The following LARGE1 variants were observed in gnomAD, a reference collection of about 807,000 sequenced individuals.
LARGE1 encodes the protein xylosyl- and glucuronyltransferase LARGE1.
LARGE1 carries 43 observed loss-of-function variants against 87.6 expected under a neutral mutation model. The ratio of observed to expected loss-of-function variants is 0.49; its 90% CI spans 0.38 to 0.63. The LOEUF is 0.63. Among genes scored for constraint, LARGE1 ranks in the 30% least tolerant of loss-of-function variants. The pLI is 0.00. For missense variants in LARGE1, 802 were observed against 1,000.2 expected (o/e 0.80, Z 2.67); for synonymous variants, 434 against 394.6 (o/e 1.10, Z -1.18).
intron 9 of LARGE1, among the ~76,000 whole-genome samples, chr22:33,338,152 G>C (rs1938702263): frequency 6.6e-6 from 1 of 152,026 alleles, no homozygotes; most frequent in Non-Finnish European, 1.5e-5. Flanking sequence ...CCCTAATTCT[G>C]CTTGGCCACC....
intron 1 of LARGE1, among the ~76,000 whole-genome samples, chr22:33,853,691 G>T (rs965636158): frequency 4.6e-5 from 7 of 152,200 alleles, no homozygotes; most frequent in Admixed American, 2.0e-4. Context: ...ACAAAAAAGT[G>T]CCAGTTCCTT....
At chr22:33,297,576 G>T (rs1053975547) in intron 12 of LARGE1, among the ~76,000 whole-genome samples, 1 of 146,708 alleles carries the variant, frequency 6.8e-6, no homozygotes, top group Non-Finnish European at 1.5e-5. Context: ...TCGTGCCACT[G>T]CACTCCAGCC....
intron 1 of LARGE1, among the ~76,000 whole-genome samples, chr22:33,870,675 T>G (rs1265927897): frequency 6.6e-6 from 1 of 152,072 alleles, no homozygotes; most frequent in South Asian, 2.1e-4. Context: ...TTCCAGCGAT[T>G]CTCCTGCCTC....
chr22:33,686,234 G>A (rs1326476631), intron 2 of LARGE1, among the ~76,000 whole-genome samples: 1 of 152,044 alleles, frequency 6.6e-6, no homozygotes, highest in Non-Finnish European at 1.5e-5. Flanking sequence ...GTCCCTCCCT[G>A]TGAACTGGAG....
At chr22:33,541,205 A>AAG (rs2077197574) in intron 6 of LARGE1, among the ~76,000 whole-genome samples, 1 of 150,158 alleles carries the variant, frequency 6.7e-6, no homozygotes, top group Admixed American at 6.6e-5. Flanking sequence ...AAAAAAGAAA[A>AAG]AAAAAAAAAA....
intron 1 of LARGE1, among the ~76,000 whole-genome samples, chr22:33,894,404 A>G (rs5999131): frequency 0.021 from 3,181 of 151,884 alleles, 114 homozygotes; most frequent in African/African-American, 0.073. Flanking sequence ...CCCCTACTCT[A>G]CTCACTAGGG....
rs556374545 is a variant in LARGE1 at position 33,911,934 on chromosome 22, G to A, written c.-83+8061C>T. Among the ~76,000 whole-genome samples, 10 of 152,066 alleles carry A rather than the reference G, an allele frequency of 6.6e-5. No homozygotes were observed. In the South Asian group the frequency reaches 8.3e-4, roughly 13 times the overall value. On this transcript the variant is annotated intron_variant, in intron 1 of 14. Coordinates refer to ENST00000397394, the MANE Select transcript of LARGE1 (RefSeq NM_133642.5). ...TGTTACTCACCCACCTCTCCCTCCC[G>A]CATCACCTCCACCCCAGTAATGAAA...
chr22:33,374,162 A>G (rs1045915890), intron 9 of LARGE1, among the ~76,000 whole-genome samples: 5 of 152,106 alleles, frequency 3.3e-5, no homozygotes, highest in Admixed American at 6.5e-5. Context: ...TTTCTTGTTT[A>G]CATTCCTGTA....
chr22:33,325,167 C>T (rs1040929338), intron 10 of LARGE1, among the ~76,000 whole-genome samples: 3 of 152,242 alleles, frequency 2.0e-5, no homozygotes, highest in African/African-American at 7.2e-5. Context: ...CTTTCTAGTT[C>T]TAACAGTAAA....
intron 11 of LARGE1, among the ~76,000 whole-genome samples, chr22:33,217,394 C>T (rs1398904272): frequency 3.3e-5 from 5 of 152,132 alleles, no homozygotes; most frequent in African/African-American, 1.2e-4. Flanking sequence ...TTACCAAGCC[C>T]TCCAGGCAAT....
chr22:33,304,768 T>C (rs1252612774), intron 11 of LARGE1, among the ~76,000 whole-genome samples: 2 of 152,190 alleles, frequency 1.3e-5, no homozygotes, highest in African/African-American at 2.4e-5. Flanking sequence ...GACTCCTCGT[T>C]TCAAAGCCAG....
intron 6 of LARGE1, among the ~76,000 whole-genome samples, chr22:33,439,461 T>C (rs1281719029): frequency 2.0e-5 from 3 of 152,206 alleles, no homozygotes; most frequent in South Asian, 4.2e-4. Flanking sequence ...GCGACATCTG[T>C]CCCTTCGCTG....
intron 5 of LARGE1, among the ~76,000 whole-genome samples, chr22:33,600,781 T>G (rs1234056033): frequency 6.6e-6 from 1 of 152,126 alleles, no homozygotes; most frequent in Non-Finnish European, 1.5e-5. Context: ...GGGCAGTGGC[T>G]CATGCCCGTA....
chr22:33,822,755 A>G (rs1398195075), intron 1 of LARGE1, among the ~76,000 whole-genome samples: 1 of 152,202 alleles, frequency 6.6e-6, no homozygotes, highest in Non-Finnish European at 1.5e-5. Flanking sequence ...GGTCAGAACA[A>G]AGGGGAAGTC....
At chr22:33,435,121 C>A (rs1279859348) in intron 6 of LARGE1, among the ~76,000 whole-genome samples, 2 of 152,220 alleles carry the variant, frequency 1.3e-5, no homozygotes, top group African/African-American at 4.8e-5. Flanking sequence ...CCTGCCTCAG[C>A]CTCCTGAGTA....
At chr22:33,742,333 G>C (rs1398155987) in intron 2 of LARGE1, among the ~76,000 whole-genome samples, 2 of 152,188 alleles carry the variant, frequency 1.3e-5, no homozygotes, top group African/African-American at 2.4e-5. Context: ...TGCTCCACAA[G>C]CATCAGTGAC....
chr22:33,770,683 T>A (rs2145811064), intron 1 of LARGE1, among the ~76,000 whole-genome samples: 1 of 152,050 alleles, frequency 6.6e-6, no homozygotes, highest in South Asian at 2.1e-4. Flanking sequence ...AGACCCTATC[T>A]CTAAAAAATA....
intron 6 of LARGE1, among the ~76,000 whole-genome samples, chr22:33,481,539 T>G (rs1311009175): frequency 1.3e-5 from 2 of 152,180 alleles, no homozygotes; most frequent in African/African-American, 4.8e-5. Context: ...CCTCTTCTCA[T>G]GCACCCTATG....
At chr22:33,415,690 G>T (rs2066462499) in intron 7 of LARGE1, among the ~76,000 whole-genome samples, 1 of 152,130 alleles carries the variant, frequency 6.6e-6, no homozygotes, top group Non-Finnish European at 1.5e-5. Context: ...AAGGCACTGC[G>T]ATGACTTTAG....
Sources: gnomAD v4.1 joint callset for allele counts (sites outside exome capture counted in the v4.1 genomes callset) on GRCh38, gnomAD v4.1.1 for gene constraint, MANE v1.5 for transcripts, NCBI Gene and HGNC (gene_info 2026-07-23, HGNC 2026-07-21) for gene names.